Variants in OR4D9 observed in about 807,000 individuals in gnomAD.
OR4D9 encodes the protein olfactory receptor family 4 subfamily D member 9, also known as olfactory receptor 4D9.
In OR4D9, 2 loss-of-function variants were observed where a neutral mutation model predicts 0.8. The ratio of observed to expected loss-of-function variants is 2.58; its 90% CI spans 1.06 to 8.13. The LOEUF (loss-of-function observed/expected upper bound fraction) is 8.13. OR4D9 is among the 30% of genes most tolerant of loss of function. The pLI is 0.04. For synonymous variants in OR4D9, 146 were observed against 151.2 expected, an observed-to-expected ratio of 0.97 and a Z score of 0.25; for missense variants, 399 against 384.7, an observed-to-expected ratio of 1.04 and a Z score of -0.31.
rs532014579 is a variant in OR4D9 at position 59,516,830 on chromosome 11, C to T, written c.*973C>T. ...CCTGTAATCCCAGCACTTTGGGAGGCCAAGGCGGGTGGATCACAAGGTCAG... is the reference window on the plus strand; with the variant it reads ...CCTGTAATCCCAGCACTTTGGGAGGTCAAGGCGGGTGGATCACAAGGTCAG... On this transcript the variant is annotated 3_prime_UTR_variant, in exon 3 of 3. Coordinates refer to ENST00000641962, the MANE Select transcript of OR4D9 (RefSeq NM_001004711.2). 1 of 152,262 alleles carries T rather than the reference C, an allele frequency of 6.6e-6. No individual in the cohort carries two copies. Among genetic ancestry groups the T allele is most frequent in the South Asian group, 2.1e-4 (1 of 4,820 alleles). 9.4% of individuals were successfully genotyped at this position (152,262 alleles called of 1,614,324 possible).
chr11:59,520,466 G>C lies in OR4D9; in HGVS notation c.*4609G>C, dbSNP rs1384710107. ...CACACTCTAGGGACTGTTGTGGGGTGGGGGGAGGGGGGAGGGATAGCATTA... is the reference window on the plus strand; with the variant it reads ...CACACTCTAGGGACTGTTGTGGGGTCGGGGGAGGGGGGAGGGATAGCATTA... On this transcript the variant is annotated 3_prime_UTR_variant, in exon 3 of 3. Coordinates refer to ENST00000641962, the MANE Select transcript of OR4D9 (RefSeq NM_001004711.2). 1 of 113,562 alleles carries C rather than the reference G, an allele frequency of 8.8e-6. No individual in the cohort carries two copies. The highest frequency in any genetic ancestry group is 1.8e-5 in the Non-Finnish European group (1 of 56,924). The allele number at this position is 113,562 out of a possible 1,614,324, so 7.0% of individuals were successfully genotyped here.
chr11:59,514,151 A>G (rs948257182), intron 1 of OR4D9, among the ~76,000 whole-genome samples: 7 of 152,232 alleles, frequency 4.6e-5, no homozygotes, highest in Non-Finnish European at 1.5e-5. Context: ...ATATCCTCCT[A>G]TGTATAAAAC....
At position 59,514,717 on chromosome 11, in the gene OR4D9, A is replaced by T. The variant is rs17153860; in HGVS notation, c.-80A>T. On this transcript the variant is annotated 5_prime_UTR_variant, in exon 2 of 3. Transcript: ENST00000641962. ...TTGTCTCCTGGGATGACTGAATCAA[A>T]AACCTGGGTAATCTTTCATCCAGTG... is the stretch of plus-strand genomic sequence containing the variant. 0.016 allele frequency: 7,997 copies of T among 501,156 alleles called. 521 individuals are homozygous for T. Among genetic ancestry groups the T allele is most frequent in the African/African-American group, 0.14 (7,086 of 51,072 alleles). The allele number at this position is 501,156 out of a possible 1,614,324, so 31.0% of individuals were successfully genotyped here.
chr11:59,516,099 T>G lies in OR4D9; in HGVS notation c.*242T>G, dbSNP rs1859401567. The G allele has an allele frequency of 7.1e-6, 3 of 421,626 alleles. No homozygotes were observed. The highest frequency in any genetic ancestry group is 1.3e-5 in the Non-Finnish European group (3 of 238,094). The allele number at this position is 421,626 out of a possible 1,614,324, so 26.1% of individuals were successfully genotyped here. On this transcript the variant is annotated 3_prime_UTR_variant, in exon 3 of 3. Coordinates refer to ENST00000641962, the MANE Select transcript of OR4D9 (RefSeq NM_001004711.2). ...CCACAAATTTTTATAGAGCATACAC[T>G]ATATGTCTGAAAGTACTGGGATTCA... is the stretch of plus-strand genomic sequence containing the variant.
In OR4D9 at chr11:59,515,793, T is replaced by G; in HGVS notation, c.881T>G (p.Met294Arg). 6.2e-7 allele frequency: 1 copy of G among 1,614,150 alleles called. No homozygotes were observed. Among genetic ancestry groups the G allele is most frequent in the Non-Finnish European group, 8.5e-7 (1 of 1,180,024 alleles). Residue 294 changes from methionine to arginine, a missense_variant, in exon 3 of 3, where the codon ATG becomes AGG. Transcript: ENST00000641962. The stretch of plus-strand genomic sequence containing the variant: ...ATTTACACGCTGAGGAATCAGGAAA[T>G]GAAGTTGGCCATGAGGAAACTGAAG... Reference protein sequence around the residue: ...PIIYTLRNQEMKLAMRKLKRR... With the variant: ...PIIYTLRNQERKLAMRKLKRR...
At chr11:59,514,636 A>C in intron 1 of OR4D9, 37 bp from the exon 2 acceptor site, 3 of 331,332 alleles carry the variant, frequency 9.1e-6, no homozygotes, top group Non-Finnish European at 1.1e-5. Flanking sequence ...TGAAAGTACA[A>C]TTGAATAGAT....
intron 1 of OR4D9, among the ~76,000 whole-genome samples, chr11:59,513,136 A>G (rs112457480): frequency 0.033 from 4,972 of 151,938 alleles, 278 homozygotes; most frequent in African/African-American, 0.11. Flanking sequence ...GTGCAGTGGC[A>G]TGATCTCAGC....
chr11:59,512,839 A>G (rs566199461), intron 1 of OR4D9, among the ~76,000 whole-genome samples: 2 of 151,982 alleles, frequency 1.3e-5, no homozygotes, highest in South Asian at 4.2e-4. Context: ...TCTCAAAAAA[A>G]CAACAACACA....
intron 1 of OR4D9, among the ~76,000 whole-genome samples, chr11:59,514,058 A>C (rs1040124450): frequency 3.3e-5 from 5 of 152,350 alleles, no homozygotes; most frequent in African/African-American, 1.2e-4. Flanking sequence ...AGAAGTAGAA[A>C]TATGTCCTTA....
Position 59,520,329 on chromosome 11 carries a change from T to C in OR4D9, c.*4472T>C, listed in dbSNP as rs1177449442. 1 of 151,906 alleles carries C rather than the reference T, an allele frequency of 6.6e-6. No individual in the cohort carries two copies. Among genetic ancestry groups the C allele is most frequent in the Non-Finnish European group, 1.5e-5 (1 of 67,974 alleles). 9.4% of individuals were successfully genotyped at this position (151,906 alleles called of 1,614,324 possible). ...AAAATGAAATCAATGTTATCTTCTT[T>C]GCTGATTGACATTTCCTGTGTTCTA... On this transcript the variant is annotated 3_prime_UTR_variant, in exon 3 of 3. Transcript: ENST00000641962.
intron 1 of OR4D9, among the ~76,000 whole-genome samples, chr11:59,512,195 G>T (rs1337282218): frequency 1.3e-5 from 2 of 152,142 alleles, no homozygotes; most frequent in African/African-American, 2.4e-5. Context: ...TCAATGGGAT[G>T]CTGGGGTATG....
Position 59,515,330 on chromosome 11 carries a change from C to T in OR4D9, c.418C>T (p.Arg140Ter), listed in dbSNP as rs143436553. ...LHYMTIMSRG[R>*]CTGLIVASWV... ...CTATATGACCATCATGAGTAGGGGGCGATGCACAGGCCTCATCGTGGCTTC... is the reference window on the plus strand; with the variant it reads ...CTATATGACCATCATGAGTAGGGGGTGATGCACAGGCCTCATCGTGGCTTC... Residue 140 changes from arginine to a stop codon, truncating the protein, a stop_gained, in exon 3 of 3, where the codon CGA (arginine) becomes TGA (stop). Coordinates refer to ENST00000641962, the MANE Select transcript of OR4D9 (RefSeq NM_001004711.2). LOFTEE classifies it low-confidence loss of function (END_TRUNC). The T allele has an allele frequency of 1.2e-4, 196 of 1,613,374 alleles. No individual in the cohort carries two copies. Among genetic ancestry groups the T allele is most frequent in the Non-Finnish European group, 1.5e-4 (180 of 1,179,754 alleles).
At chr11:59,512,118 T>C (rs1040384542) in intron 1 of OR4D9, among the ~76,000 whole-genome samples, 4 of 151,942 alleles carry the variant, frequency 2.6e-5, no homozygotes, top group Non-Finnish European at 4.4e-5. Context: ...AATTGGAAAA[T>C]AGAAAACCGT....
At chr11:59,514,304 T>C (rs952862364) in intron 1 of OR4D9, among the ~76,000 whole-genome samples, 3 of 152,242 alleles carry the variant, frequency 2.0e-5, no homozygotes, top group Admixed American at 2.0e-4. Context: ...TCTATCTTTT[T>C]CAATTTAGCC....
Position 59,515,277 on chromosome 11 carries a change from G to T in OR4D9, c.365G>T (p.Arg122Leu), listed in dbSNP as rs370202918. The change falls in exon 3 of 3, where the codon CGC becomes CTC. Residue 122 changes from arginine to leucine, a missense_variant. By Grantham distance (102) the Arg-to-Leu change is moderately radical. Coordinates refer to ENST00000641962, the MANE Select transcript of OR4D9 (RefSeq NM_001004711.2). ...VFSLSVMAFD[R>L]YIAISKPLHY... ...TCTCTCTCTGTGATGGCGTTTGACC[G>T]CTATATAGCCATCTCCAAGCCCCTG... 6.2e-7 allele frequency: 1 copy of T among 1,612,070 alleles called. No individual in the cohort carries two copies. The highest frequency in any genetic ancestry group is 1.3e-5 in the African/African-American group (1 of 74,752).
At position 59,518,408 on chromosome 11, in the gene OR4D9, C is replaced by G. The variant is rs2134588924; in HGVS notation, c.*2551C>G. 1 of 152,352 alleles carries G rather than the reference C, an allele frequency of 6.6e-6. No homozygotes were observed. Among genetic ancestry groups the G allele is most frequent in the Admixed American group, 6.5e-5 (1 of 15,306 alleles). The allele number at this position is 152,352 out of a possible 1,614,324, so 9.4% of individuals were successfully genotyped here. A position where few individuals can be genotyped will look rare whatever the true frequency, so the allele number is the denominator to read the frequency against. On this transcript the variant is annotated 3_prime_UTR_variant, in exon 3 of 3. Transcript: ENST00000641962. ...AAATGCAGGCTTCTCCCGTCTTGGG[C>G]TCCACATTCTCTAGATCCTCAGAAT... is the stretch of plus-strand genomic sequence containing the variant.
chr11:59,513,079 G>A (rs1251184005), intron 1 of OR4D9, among the ~76,000 whole-genome samples: 1 of 151,816 alleles, frequency 6.6e-6, no homozygotes, highest in Non-Finnish European at 1.5e-5. Flanking sequence ...ACAGCTCAAT[G>A]AATTTTTTTT....
Position 59,511,656 on chromosome 11 carries a change from G to A in OR4D9, c.-215G>A, listed in dbSNP as rs1029484922. The A allele has an allele frequency of 3.9e-5, 6 of 152,326 alleles. No individual in the cohort carries two copies. The highest frequency in any genetic ancestry group is 2.1e-4 in the South Asian group (1 of 4,824). 9.4% of individuals were successfully genotyped at this position (152,326 alleles called of 1,614,324 possible). On this transcript the variant is annotated 5_prime_UTR_variant, in exon 1 of 3. Transcript: ENST00000641962. ...TTAGTGCCTATGAACTTCTGAAACT[G>A]AAAAGCTGTTTGTGCTGAATTTTGA...
intron 1 of OR4D9, among the ~76,000 whole-genome samples, chr11:59,513,877 G>A (rs11229982): frequency 2.6e-5 from 4 of 152,162 alleles, no homozygotes; most frequent in Non-Finnish European, 4.4e-5. Context: ...AGGCTGAAGT[G>A]GGAGGATCGC....
Sources: allele counts gnomAD v4.1 joint callset (sites outside exome capture counted in the v4.1 genomes callset), GRCh38; gene constraint gnomAD v4.1.1; transcripts MANE v1.5; gene names NCBI Gene and HGNC (gene_info 2026-07-23, HGNC 2026-07-21).